The following TPM4 variants were observed in gnomAD, a reference collection of about 807,000 sequenced individuals.
TPM4 encodes the protein tropomyosin alpha-4 chain.
In TPM4, 17 loss-of-function variants were observed where a neutral mutation model predicts 35.8. The observed-to-expected ratio is 0.47, with a 90% CI of 0.32 to 0.71. The LOEUF (loss-of-function observed/expected upper bound fraction) is 0.71, where lower values mean the gene tolerates loss of function less well. TPM4 is among the 30% of genes least tolerant of loss of function. The pLI is 0.03. For synonymous variants in TPM4, 120 were observed against 122.9 expected (o/e 0.98, Z 0.15); for missense variants, 240 against 320.9 (o/e 0.75, Z 1.93).
chr19:16,093,773 A>T lies in TPM4; in HGVS notation c.664+20A>T. The T allele has an allele frequency of 6.2e-7, 1 of 1,612,392 alleles. No homozygotes were observed. The highest frequency in any genetic ancestry group is 2.2e-5 in the East Asian group (1 of 44,868). On this transcript the variant is annotated intron_variant, in intron 7 of 7. Transcript: ENST00000643579. Reference sequence around the variant, plus strand: ...TGGAAGGTATGAGGTTACCATCTAAATGTTTGCCTTGCCCTGCCTTCCCCT... The same window carrying T: ...TGGAAGGTATGAGGTTACCATCTAATTGTTTGCCTTGCCCTGCCTTCCCCT...
Position 16,101,739 on chromosome 19 carries a change from C to T in TPM4, c.*393C>T, listed in dbSNP as rs1420709804. On this transcript the variant is annotated 3_prime_UTR_variant, in exon 8 of 8. Transcript: ENST00000643579. The stretch of plus-strand genomic sequence containing the variant: ...TGGATATAATTAAAACGCTGAAGAC[C>T]ATAACCTTTTGGGTCAACTGTTGGT... 4.2e-6 allele frequency: 1 copy of T among 240,534 alleles called. No homozygotes were observed. The highest frequency in any genetic ancestry group is 8.2e-6 in the Non-Finnish European group (1 of 122,274). 14.9% of individuals were successfully genotyped at this position (240,534 alleles called of 1,614,324 possible).
Position 16,085,260 on chromosome 19 carries a change from AAAAT to A in TPM4, c.267-1153_267-1150del, listed in dbSNP as rs1295968763. On this transcript the variant is annotated intron_variant, in intron 2 of 7. Coordinates refer to ENST00000643579, the MANE Select transcript of TPM4 (RefSeq NM_003290.3). The stretch of plus-strand genomic sequence containing the variant: ...AGAGTGAGAACCTGTCTCAAGAAAA[AAAAT>A]AAATAAATACACAACGTCTTGCTCT... 3.9e-5 allele frequency among the ~76,000 whole-genome samples: 6 copies of A among 152,076 alleles called. No individual in the cohort carries two copies. The South Asian group carries it at 6.2e-4, about 16-fold the overall frequency.
chr19:16,096,314 C>T (rs530098942), intron 7 of TPM4, among the ~76,000 whole-genome samples: 1 of 152,318 alleles, frequency 6.6e-6, no homozygotes, highest in African/African-American at 2.4e-5. Context: ...AGTCTGCCCA[C>T]CTCACCCTCC....
At chr19:16,096,622 C>A (rs2090700779) in intron 7 of TPM4, among the ~76,000 whole-genome samples, 2 of 152,164 alleles carry the variant, frequency 1.3e-5, no homozygotes, top group African/African-American at 4.8e-5. Context: ...TGGCTTTACT[C>A]TTCACTGTTC....
At chr19:16,096,277 G>A (rs2090695085) in intron 7 of TPM4, among the ~76,000 whole-genome samples, 2 of 152,142 alleles carry the variant, frequency 1.3e-5, no homozygotes, top group African/African-American at 4.8e-5. Flanking sequence ...TGTTGCCCAG[G>A]CTGGTCTTGA....
intron 7 of TPM4, among the ~76,000 whole-genome samples, chr19:16,099,125 G>A (rs908773027): frequency 1.2e-4 from 18 of 151,290 alleles, no homozygotes; most frequent in Non-Finnish European, 2.5e-4. Context: ...TGTCACCCAG[G>A]CTGGAGGGCA....
In TPM4 at chr19:16,067,721, G is replaced by C. The variant is rs368923322; in HGVS notation, c.97G>C (p.Glu33Gln). 1 of 1,612,980 alleles carries C rather than the reference G, an allele frequency of 6.2e-7. No homozygotes were observed. The highest frequency in any genetic ancestry group is 1.3e-5 in the African/African-American group (1 of 75,040). ...GGCGGAGGCGGATAAGAAAGCCGCT[G>C]AGGACAAGTGCAAGCAGGTGAGGTG... The change falls in exon 2 of 3, where the codon GAG (glutamate) becomes CAG (glutamine). Residue 33 changes from glutamate (E) to glutamine (Q), a missense_variant. Glu to Gln is a conservative substitution (Grantham distance 29, BLOSUM62 2). Transcript: ENST00000589897. This position sits in a 1 kb window ranked among gnomAD's most constrained non-coding sequence, Gnocchi z 4.1.
chr19:16,076,446 CG>C (rs1200160841), upstream of TPM4: 1 of 1,338,484 alleles, frequency 7.5e-7, no homozygotes, highest in African/African-American at 1.6e-5. Context: ...CGGGGAGAGG[CG>C]GGGGCGGCCC....
intron 7 of TPM4, chr19:16,100,081 T>TC (rs1194363457): frequency 6.6e-6 from 1 of 152,196 alleles, no homozygotes; most frequent in Non-Finnish European, 1.5e-5. Context: ...ACTGAAATCT[T>TC]CATGTAGCAG....
chr19:16,093,247 G>T, intron 5 of TPM4: 1 of 370,248 alleles, frequency 2.7e-6, no homozygotes, highest in South Asian at 3.0e-5. Flanking sequence ...CCAGGCTGGA[G>T]TGCAGTGGCG....
intron 1 of TPM4, chr19:16,081,621 C>A: frequency 4.8e-6 from 1 of 206,996 alleles, no homozygotes; most frequent in Non-Finnish European, 9.7e-6. Context: ...GTCTCGATCT[C>A]TTGACCTTGT....
chr19:16,092,774 G>A (rs1283573292), intron 5 of TPM4, among the ~76,000 whole-genome samples: 5 of 152,084 alleles, frequency 3.3e-5, no homozygotes, highest in Non-Finnish European at 7.4e-5. Context: ...GACCTCAAGC[G>A]ATCCACCCGC....
chr19:16,086,729 G>C (rs2090559160), intron 3 of TPM4, among the ~76,000 whole-genome samples, 189 bp downstream of exon 3: 1 of 152,204 alleles, frequency 6.6e-6, no homozygotes, highest in African/African-American at 2.4e-5. Flanking sequence ...AGAAAGTGCT[G>C]CGGACGCTTG....
upstream of TPM4, among the ~76,000 whole-genome samples, chr19:16,073,558 C>T (rs1423522): frequency 0.17 from 25,217 of 152,074 alleles, 2,348 homozygotes; most frequent in Admixed American, 0.27. Context: ...GGCTCCCCAC[C>T]CGGAGGTCAA....
At chr19:16,095,329 G>A (rs1599383213) in intron 7 of TPM4, 3 of 1,038,890 alleles carry the variant, frequency 2.9e-6, no homozygotes, top group Non-Finnish European at 3.5e-6. Context: ...CGCTCTCAAC[G>A]ACATGACCTC....
chr19:16,078,071 C>G, intron 1 of TPM4: 1 of 398,410 alleles, frequency 2.5e-6, no homozygotes, highest in South Asian at 1.3e-4. Context: ...CGGCGCCCAG[C>G]CTCAATTGTG....
rs182738189 is a variant in TPM4, at chr19:16,094,873, T to C, written c.664+1120T>C. Among the ~76,000 whole-genome samples the C allele has an allele frequency of 5.1e-3, 778 of 152,278 alleles. 3 individuals carry two copies. Among genetic ancestry groups the C allele is most frequent in the Non-Finnish European group, 6.6e-3 (448 of 68,036 alleles). Reference sequence around the variant, plus strand: ...ACATTCTTCAGACCATATCTTCCAATGTTTTTTTGGGGAAGTGAGGTTCCC... The same window carrying C: ...ACATTCTTCAGACCATATCTTCCAACGTTTTTTTGGGGAAGTGAGGTTCCC... On this transcript the variant is annotated intron_variant, in intron 7 of 7. Transcript: ENST00000643579.
rs138837462 is a variant in TPM4 at position 16,096,526 on chromosome 19, G to A, written c.664+2773G>A. ...GGCTTGAGCTACAGATTCAAACAGC[G>A]GCAGTGACATTTTGATCTCCATTTC... On this transcript the variant is annotated intron_variant, in intron 7 of 7. Coordinates refer to ENST00000643579, the MANE Select transcript of TPM4 (RefSeq NM_003290.3). 4.0e-3 allele frequency among the ~76,000 whole-genome samples: 606 copies of A among 152,310 alleles called. 8 individuals carry two copies. The highest frequency in any genetic ancestry group is 0.013 in the African/African-American group (558 of 41,552).
At chr19:16,097,538 T>G (rs1448903560) in intron 7 of TPM4, among the ~76,000 whole-genome samples, 1 of 152,128 alleles carries the variant, frequency 6.6e-6, no homozygotes, top group African/African-American at 2.4e-5. Flanking sequence ...CCTCCCAAAG[T>G]GCTGGGATTA....
Sources: gnomAD v4.1 joint callset for allele counts (sites outside exome capture counted in the v4.1 genomes callset) on GRCh38, gnomAD v4.1.1 for gene constraint, Gnocchi (gnomAD v3.1) non-coding constraint, MANE v1.5 for transcripts, NCBI Gene and HGNC (gene_info 2026-07-23, HGNC 2026-07-21) for gene names.